Variants in SYCP2 observed in about 807,000 individuals in gnomAD.
SYCP2 encodes the protein synaptonemal complex lateral element protein.
In SYCP2, 55 loss-of-function variants were observed where a neutral mutation model predicts 211.3. The observed-to-expected ratio is 0.26, with a 90% CI of 0.21 to 0.33. The LOEUF is 0.33. SYCP2 is among the 10% of genes least tolerant of loss of function. The probability of loss-of-function intolerance (pLI) is 1.00; values close to 1 mark genes in which losing one functional copy is unlikely to be tolerated. For synonymous variants in SYCP2, 570 were observed against 555.2 expected (o/e 1.03, Z -0.37); for missense variants, 1,731 against 1,752.0 (o/e 0.99, Z 0.21).
chr20:59,906,879 C>T (rs2060223719), intron 15 of SYCP2, among the ~76,000 whole-genome samples: 1 of 151,634 alleles, frequency 6.6e-6, no homozygotes, highest in African/African-American at 2.4e-5. Context: ...ATATGAATGG[C>T]CAGAAAGCAC....
At chr20:59,880,555 C>CA in intron 30 of SYCP2, 84 bp from the exon 31 acceptor site, 5 of 761,050 alleles carry the variant, frequency 6.6e-6, no homozygotes, top group South Asian at 5.5e-5. Flanking sequence ...ACAACAACAA[C>CA]AACAAAAAAA....
intron 2 of SYCP2, among the ~76,000 whole-genome samples, chr20:59,922,685 C>G (rs2060564241): frequency 1.3e-5 from 2 of 151,588 alleles, no homozygotes; most frequent in African/African-American, 4.8e-5. Context: ...TTATAGATTA[C>G]TTAAATTAAT....
chr20:59,917,084 G>A (rs1224239559), intron 7 of SYCP2, among the ~76,000 whole-genome samples: 1 of 151,970 alleles, frequency 6.6e-6, no homozygotes, highest in Non-Finnish European at 1.5e-5. Context: ...ACTGTCAAGG[G>A]ACAACTCTAG....
chr20:59,903,115 A>G (rs76207248), intron 15 of SYCP2, among the ~76,000 whole-genome samples: 3,978 of 152,174 alleles, frequency 0.026, 182 homozygotes, highest in African/African-American at 0.091. Flanking sequence ...AAATTTGTCT[A>G]CCTATGTTAT....
intron 22 of SYCP2, 99 bp downstream of exon 22, chr20:59,893,043 A>AC (rs11481480): frequency 0.024 from 20,109 of 832,128 alleles, 287 homozygotes; most frequent in Middle Eastern, 0.036. Flanking sequence ...GATTAATACT[A>AC]ATTCTAATCA....
chr20:59,921,192 T>A (rs1334700192), intron 4 of SYCP2, 118 bp downstream of exon 4: 2 of 725,124 alleles, frequency 2.8e-6, no homozygotes, highest in African/African-American at 3.7e-5. Context: ...CATTTATTTA[T>A]ATAATTATGA....
chr20:59,891,759 C>A (rs1435601765), intron 24 of SYCP2, among the ~76,000 whole-genome samples: 1 of 151,778 alleles, frequency 6.6e-6, no homozygotes, highest in East Asian at 1.9e-4. Flanking sequence ...ACAGGAACTG[C>A]ATGGTTCATT....
intron 3 of SYCP2, 35 bp downstream of exon 3, chr20:59,922,355 A>T: frequency 6.4e-7 from 1 of 1,560,260 alleles, no homozygotes; most frequent in Non-Finnish European, 8.6e-7. Flanking sequence ...GATTTTCAGA[A>T]TGAAAATACT....
chr20:59,880,236 G>C, intron 31 of SYCP2, 67 bp downstream of exon 31: 1 of 1,269,866 alleles, frequency 7.9e-7, no homozygotes. Flanking sequence ...CTTATATAAA[G>C]CATTTTCAAT....
rs1264640021 is a variant in SYCP2 at position 59,920,436 on chromosome 20, C to T, written c.220G>A (p.Gly74Arg). 3 of 1,608,944 alleles carry T rather than the reference C, an allele frequency of 1.9e-6. No homozygotes were observed. The African/African-American group carries it at 4.0e-5, about 22-fold the overall frequency. The part of the protein sequence containing the change: ...HNVSAILVSV[G>R]RCGKNISVLG... ...ACACTGATATTTTTGCCACATCTTC[C>T]AACAGAAACCAAAATGGCTGAAACA... The change falls in exon 5 of 45, where the codon GGA (glycine) becomes AGA (arginine). Residue 74 changes from glycine (G) to arginine (R), a missense_variant. Physicochemically the swap from Gly to Arg is moderately radical, Grantham distance 125. This residue lies in a region of SYCP2 where 335 missense variants were observed against 378.8 expected (regional missense o/e 0.88). Coordinates refer to ENST00000357552, the MANE Select transcript of SYCP2 (RefSeq NM_014258.4).
At chr20:59,877,620 C>A in intron 32 of SYCP2, 65 bp from the exon 33 acceptor site, 2 of 1,401,468 alleles carry the variant, frequency 1.4e-6, no homozygotes, top group South Asian at 2.6e-5. Flanking sequence ...AAGCAATTTG[C>A]TATAAAATTG....
chr20:59,924,306 C>T (rs2060593840), intron 2 of SYCP2, among the ~76,000 whole-genome samples: 2 of 151,994 alleles, frequency 1.3e-5, no homozygotes, highest in South Asian at 2.1e-4. Flanking sequence ...CAGTATATAA[C>T]TGACCCTAAC....
At chr20:59,887,838 A>G in intron 24 of SYCP2, among the ~76,000 whole-genome samples, 1 of 152,070 alleles carries the variant, frequency 6.6e-6, no homozygotes, top group East Asian at 1.9e-4. Flanking sequence ...ATCAGAAATG[A>G]AAGAAGGGCC....
intron 24 of SYCP2, among the ~76,000 whole-genome samples, chr20:59,887,449 A>G (rs2059814210): frequency 6.6e-6 from 1 of 152,180 alleles, no homozygotes; most frequent in Non-Finnish European, 1.5e-5. Context: ...ATAGTGCCAC[A>G]ATGAACATAC....
chr20:59,904,691 A>G (rs1218728917), intron 15 of SYCP2, among the ~76,000 whole-genome samples: 1 of 152,138 alleles, frequency 6.6e-6, no homozygotes, highest in Admixed American at 6.5e-5. Flanking sequence ...AGACTATATT[A>G]GTCTGTATTA....
chr20:59,875,931 G>A (rs907143031), intron 33 of SYCP2, among the ~76,000 whole-genome samples: 1 of 152,086 alleles, frequency 6.6e-6, no homozygotes, highest in Non-Finnish European at 1.5e-5. Context: ...GCATACACTG[G>A]AGAAGGGTAG....
chr20:59,866,543 GT>G lies in SYCP2; in HGVS notation c.4171del (p.Thr1391GlnfsTer6). On this transcript the variant is annotated frameshift_variant, in exon 40 of 45. Transcript: ENST00000357552. LOFTEE classifies it high-confidence loss of function. ...LSYFTTQSWKTAQQHLRTMNH... is the reference protein window; with the variant it reads ...LSYFTTQSWKXAQQHLRTMNH... ...CATTGTTCTCAGATGTTGCTGAGCT[GT>G]TTTCCAAGACTGCGTAGTAAAATAA... The G allele has an allele frequency of 6.2e-7, 1 of 1,606,668 alleles. No homozygotes were observed. Among genetic ancestry groups the G allele is most frequent in the Admixed American group, 1.7e-5 (1 of 58,344 alleles).
intron 10 of SYCP2, among the ~76,000 whole-genome samples, chr20:59,914,501 A>G (rs1329145197): frequency 6.6e-6 from 1 of 152,038 alleles, no homozygotes; most frequent in African/African-American, 2.4e-5. Flanking sequence ...ACTTCTAAAT[A>G]TTCAAAGACA....
At chr20:59,918,497 C>T (rs551349622) in intron 7 of SYCP2, among the ~76,000 whole-genome samples, 1 of 152,294 alleles carries the variant, frequency 6.6e-6, no homozygotes, top group East Asian at 1.9e-4. Context: ...GAAATTTCCA[C>T]ATTTCAAAAT....
Sources: allele counts gnomAD v4.1 joint callset (sites outside exome capture counted in the v4.1 genomes callset), GRCh38; gene constraint gnomAD v4.1.1; regional missense constraint gnomAD v4.1.1; transcripts MANE v1.5; gene names NCBI Gene and HGNC (gene_info 2026-07-23, HGNC 2026-07-21).